Variants in METTL22 observed in about 807,000 individuals in gnomAD.
METTL22 encodes the protein methyltransferase 22, Kin17 lysine.
In METTL22, 51 loss-of-function variants were observed where a neutral mutation model predicts 48.4. That is an observed-to-expected ratio of 1.05 (90% CI 0.84 to 1.33). The LOEUF (loss-of-function observed/expected upper bound fraction) is 1.33. Ranked by LOEUF, METTL22 falls within the 40% of genes most tolerant of loss-of-function variation. The pLI, the probability that METTL22 is intolerant of heterozygous loss-of-function variation, is 0.00. For synonymous variants in METTL22, 255 were observed against 214.1 expected, an observed-to-expected ratio of 1.19 and a Z score of -1.67; for missense variants, 678 against 526.9, an observed-to-expected ratio of 1.29 and a Z score of -2.81.
chr16:8,636,512 C>T (rs1304906858), intron 5 of METTL22, among the ~76,000 whole-genome samples: 2 of 102,266 alleles, frequency 2.0e-5, no homozygotes, highest in Non-Finnish European at 3.7e-5. Context: ...CAGAGTGAGA[C>T]TCTGTCTCAA....
intron 2 of METTL22, among the ~76,000 whole-genome samples, chr16:8,628,275 C>T (rs571628567): frequency 6.6e-6 from 1 of 152,302 alleles, no homozygotes; most frequent in South Asian, 2.1e-4. Context: ...ACTTGGCACA[C>T]AGTGTTCGGT....
chr16:8,666,210 G>A, the METTL22 span, among the ~76,000 whole-genome samples: 201 of 152,310 alleles, frequency 1.3e-3, no homozygotes, highest in African/African-American at 4.5e-3. Context: ...GGCCAATGAC[G>A]GGGAGTAGTT....
Position 8,647,333 on chromosome 16 carries a change from C to T in METTL22, c.*1190C>T, listed in dbSNP as rs1282345030. On this transcript the variant is annotated 3_prime_UTR_variant, in exon 11 of 11. Coordinates refer to ENST00000381920, the MANE Select transcript of METTL22 (RefSeq NM_024109.4). ...AAAAAGGAAAAAGTCTCCATGAGGT[C>T]AGGGACCTTGTTTGTCTTAAATATC... 1.9e-5 allele frequency: 3 copies of T among 154,186 alleles called. No individual in the cohort carries two copies. The highest frequency in any genetic ancestry group is 7.2e-5 in the African/African-American group (3 of 41,480). The allele number at this position is 154,186 out of a possible 1,614,324, so 9.6% of individuals were successfully genotyped here. A position where few individuals can be genotyped will look rare whatever the true frequency, so the allele number is the denominator to read the frequency against.
At chr16:8,631,720 T>C (rs994289576) in intron 3 of METTL22, 1 of 152,256 alleles carries the variant, frequency 6.6e-6, no homozygotes, top group Non-Finnish European at 1.5e-5. Flanking sequence ...GGTGAGATTC[T>C]AACACTGTCT....
chr16:8,625,260 T>A (rs1237403138), intron 1 of METTL22, among the ~76,000 whole-genome samples: 1 of 151,954 alleles, frequency 6.6e-6, no homozygotes, highest in East Asian at 1.9e-4. Flanking sequence ...ATGGTGAGGA[T>A]CATTGAATCT....
intron 2 of METTL22, among the ~76,000 whole-genome samples, chr16:8,626,600 C>T (rs1014588731): frequency 2.0e-5 from 3 of 151,058 alleles, no homozygotes; most frequent in African/African-American, 7.3e-5. Context: ...CGGCACCTGC[C>T]ACCACGCCCA....
chr16:8,629,110 G>A lies in METTL22; in HGVS notation c.514G>A (p.Glu172Lys). 6.2e-7 allele frequency: 1 copy of A among 1,609,782 alleles called. No individual in the cohort carries two copies. Among genetic ancestry groups the A allele is most frequent in the Non-Finnish European group, 8.5e-7 (1 of 1,178,254 alleles). ...QGSPHDIIRI[E>K]HTMATPLEDV... The stretch of plus-strand genomic sequence containing the variant: ...CAGCCCGCACGATATCATCAGAATA[G>A]GTAAATAGAGGTGTGATGTGGCCCA... The change falls in exon 3 of 11, where the codon GAG (glutamate) becomes AAG (lysine). Residue 172 changes from glutamate to lysine, a missense_variant and splice_region_variant. By Grantham distance (56) the Glu-to-Lys change is moderately conservative. Transcript: ENST00000381920.
At chr16:8,639,989 C>T (rs890899942) in intron 6 of METTL22, among the ~76,000 whole-genome samples, 7 of 152,158 alleles carry the variant, frequency 4.6e-5, no homozygotes, top group Admixed American at 6.5e-5. Flanking sequence ...TCCCTCCTCC[C>T]GGCAAGTCCT....
the METTL22 span, among the ~76,000 whole-genome samples, chr16:8,659,451 A>C: frequency 6.6e-6 from 1 of 152,210 alleles, no homozygotes; most frequent in African/African-American, 2.4e-5. Context: ...CCATTCTGCA[A>C]ATATCTACCA....
rs1474090437 is a variant in METTL22 at position 8,646,188 on chromosome 16, G to A, written c.*45G>A. The A allele has an allele frequency of 6.2e-6, 10 of 1,607,632 alleles. No individual in the cohort carries two copies. Among genetic ancestry groups the A allele is most frequent in the Middle Eastern group, 1.6e-4 (1 of 6,068 alleles). ...GCGGCGTCTCGACTGTTCTTAGAGT[G>A]TATTTCTAGTAAAATCAGAAGCTCA... On this transcript the variant is annotated 3_prime_UTR_variant, in exon 11 of 11. Coordinates refer to ENST00000381920, the MANE Select transcript of METTL22 (RefSeq NM_024109.4).
At chr16:8,654,303 C>T (rs182134930), downstream of METTL22, among the ~76,000 whole-genome samples, 4 of 152,170 alleles carry the variant, frequency 2.6e-5, no homozygotes, top group African/African-American at 9.7e-5. Flanking sequence ...TTCACCACTC[C>T]TGGTAATTTG....
chr16:8,626,751 G>C (rs997404962), intron 2 of METTL22, among the ~76,000 whole-genome samples: 9 of 130,288 alleles, frequency 6.9e-5, no homozygotes, highest in Non-Finnish European at 1.4e-4. Flanking sequence ...ATCCAACCCT[G>C]TCCTCTACTC....
At chr16:8,644,137 C>T (rs915399801) in intron 9 of METTL22, among the ~76,000 whole-genome samples, 7 of 152,172 alleles carry the variant, frequency 4.6e-5, no homozygotes, top group African/African-American at 9.7e-5. Flanking sequence ...GTTCTCTGTG[C>T]TCCCGGAGTC....
chr16:8,634,005 C>G (rs997913873), intron 3 of METTL22, among the ~76,000 whole-genome samples: 24 of 152,204 alleles, frequency 1.6e-4, no homozygotes, highest in African/African-American at 5.5e-4. Context: ...CAGTTTCAAA[C>G]CAGGTGACTA....
intron 2 of METTL22, among the ~76,000 whole-genome samples, chr16:8,626,201 C>G (rs1321256912): frequency 6.6e-6 from 1 of 152,142 alleles, no homozygotes; most frequent in East Asian, 1.9e-4. Flanking sequence ...CTAGCCCAGG[C>G]TGGTTTTGAA....
intron 2 of METTL22, among the ~76,000 whole-genome samples, chr16:8,628,245 C>A (rs999228531): frequency 6.6e-6 from 1 of 152,142 alleles, no homozygotes; most frequent in Non-Finnish European, 1.5e-5. Context: ...CTGCTTTGTA[C>A]CCCCAGCACC....
chr16:8,637,134 G>A (rs1405552162), intron 5 of METTL22, among the ~76,000 whole-genome samples: 1 of 152,200 alleles, frequency 6.6e-6, no homozygotes, highest in African/African-American at 2.4e-5. Context: ...ACAAAAAGAG[G>A]TATCAGCTGA....
At chr16:8,652,743 C>A (rs1310038109), downstream of METTL22, among the ~76,000 whole-genome samples, 1 of 152,056 alleles carries the variant, frequency 6.6e-6, no homozygotes, top group African/African-American at 2.4e-5. Flanking sequence ...GGTGGCCATA[C>A]CTTGGCCCTA....
At chr16:8,660,871 GGAGGAA>G in the METTL22 span, among the ~76,000 whole-genome samples, 3,251 of 30,638 alleles carry the variant, frequency 0.11, 990 homozygotes, top group Non-Finnish European at 0.15. Context: ...AGGAGGAGGA[GGAGGAA>G]GAGGAGGAGG....
Sources: gnomAD v4.1 joint callset for allele counts (sites outside exome capture counted in the v4.1 genomes callset) on GRCh38, gnomAD v4.1.1 for gene constraint, MANE v1.5 for transcripts, NCBI Gene and HGNC (gene_info 2026-07-23, HGNC 2026-07-21) for gene names.